GSE1: variants seen among roughly 807,000 people sequenced by gnomAD.
The protein encoded by GSE1 is Gse1 coiled-coil protein.
Under a neutral mutation model 112.6 loss-of-function variants are expected in GSE1, and 32 were observed. That is an observed-to-expected ratio of 0.28 (90% CI 0.21 to 0.38). The LOEUF is 0.38. GSE1 is among the 10% of genes least tolerant of loss of function. GSE1 has a pLI of 1.00. For synonymous variants in GSE1, 1,115 were observed against 735.6 expected (o/e 1.52, Z -8.35); for missense variants, 2,348 against 1,699.2 (o/e 1.38, Z -6.71).
chr16:85,220,934 C>T (rs1229369337), intron 1 of GSE1, among the ~76,000 whole-genome samples: 8 of 148,228 alleles, frequency 5.4e-5, no homozygotes, highest in Non-Finnish European at 6.0e-5. Context: ...CCCCCCACCC[C>T]TCCTGCCCAC....
At chr16:85,431,198 T>TGAGGGGC (rs368235592) in intron 2 of GSE1, among the ~76,000 whole-genome samples, 1 of 152,148 alleles carries the variant, frequency 6.6e-6, no homozygotes, top group East Asian at 1.9e-4. Flanking sequence ...GCAGGCAACG[T>TGAGGGGC]GAGGGGCGCG....
chr16:85,193,012 G>A (rs1201328252), intron 1 of GSE1, among the ~76,000 whole-genome samples: 1 of 152,242 alleles, frequency 6.6e-6, no homozygotes. Context: ...AGCCTGCTAG[G>A]AGGCTCTTCC....
chr16:85,303,489 CCGCTTGCTGAG>C (rs570332578), intron 1 of GSE1, among the ~76,000 whole-genome samples: 2 of 152,266 alleles, frequency 1.3e-5, no homozygotes, highest in Non-Finnish European at 2.9e-5. Flanking sequence ...CCGCTGTCCG[CCGCTTGCTGAG>C]CGCTTGCTGT....
At chr16:85,428,269 T>A (rs999884328) in intron 2 of GSE1, among the ~76,000 whole-genome samples, 10 of 152,178 alleles carry the variant, frequency 6.6e-5, no homozygotes, top group African/African-American at 2.4e-4. Context: ...CTGGGCTTCC[T>A]GCACCACCCA....
chr16:85,558,122 G>C (rs1340408025), intron 1 of GSE1, among the ~76,000 whole-genome samples: 1 of 152,130 alleles, frequency 6.6e-6, no homozygotes, highest in Non-Finnish European at 1.5e-5. Context: ...GAGCCCTTGG[G>C]AACTCAGAGC....
intron 2 of GSE1, among the ~76,000 whole-genome samples, chr16:85,384,807 C>G (rs781665179): frequency 6.6e-6 from 1 of 152,154 alleles, no homozygotes; most frequent in Non-Finnish European, 1.5e-5. Context: ...GGTCCTCCAG[C>G]GCCAGGATCC....
intron 2 of GSE1, among the ~76,000 whole-genome samples, chr16:85,535,598 A>C (rs1455868739): frequency 6.6e-6 from 1 of 152,202 alleles, no homozygotes; most frequent in Non-Finnish European, 1.5e-5. Context: ...CAGTTGGCTG[A>C]TAAGAGGAAG....
chr16:85,497,555 C>G (rs1258308870), intron 2 of GSE1, among the ~76,000 whole-genome samples: 1 of 152,164 alleles, frequency 6.6e-6, no homozygotes, highest in Non-Finnish European at 1.5e-5. Flanking sequence ...TAATGGGAAC[C>G]TATTTTTCTC....
intron 1 of GSE1, among the ~76,000 whole-genome samples, chr16:85,584,687 G>A (rs180819429): frequency 2.6e-5 from 4 of 152,106 alleles, no homozygotes; most frequent in Non-Finnish European, 5.9e-5. Flanking sequence ...TCCGTTTTAT[G>A]CCTTTTTAAT....
intron 2 of GSE1, among the ~76,000 whole-genome samples, chr16:85,388,343 GCTGGA>G (rs2151638693): frequency 1.1e-5 from 1 of 88,118 alleles, no homozygotes; most frequent in Non-Finnish European, 2.3e-5. Context: ...TGGATGTATG[GCTGGA>G]TGGATGGGTG....
intron 2 of GSE1, among the ~76,000 whole-genome samples, chr16:85,403,310 G>A (rs1348572929): frequency 1.3e-5 from 2 of 152,164 alleles, no homozygotes; most frequent in African/African-American, 2.4e-5. Context: ...TTCATTAGGG[G>A]CAAGTCACCA....
chr16:85,258,219 C>G (rs892755358), intron 1 of GSE1, among the ~76,000 whole-genome samples: 1 of 152,178 alleles, frequency 6.6e-6, no homozygotes. Context: ...TGAAGCTCCC[C>G]CAAAACTGTA....
intron 1 of GSE1, among the ~76,000 whole-genome samples, chr16:85,572,241 ACAC>A (rs1314348704): frequency 4.7e-5 from 7 of 148,498 alleles, no homozygotes; most frequent in Middle Eastern, 3.5e-3. Flanking sequence ...CGTACAAAAC[ACAC>A]CACACCACAC....
chr16:85,311,488 A>G lies in GSE1; in HGVS notation c.2284-45975A>G, dbSNP rs1275413330. ...TGGGCGGAGCCCTCGGCTGCCTCCC[A>G]CCGTGGGACATTGGGGAGGGAGGGA... is the stretch of plus-strand genomic sequence containing the variant. On this transcript the variant is annotated intron_variant, in intron 1 of 2. Transcript: ENST00000637419. This position sits in a 1 kb window ranked among gnomAD's most constrained non-coding sequence, Gnocchi z 4.2. Among the ~76,000 whole-genome samples, 3 of 140,950 alleles carry G rather than the reference A, an allele frequency of 2.1e-5. No individual in the cohort carries two copies. Among genetic ancestry groups the G allele is most frequent in the Non-Finnish European group, 4.7e-5 (3 of 64,004 alleles). 92.5% of individuals were successfully genotyped at this position (140,950 alleles called of 152,430 possible).
At chr16:85,504,454 G>C (rs765679080) in intron 2 of GSE1, among the ~76,000 whole-genome samples, 24 of 152,204 alleles carry the variant, frequency 1.6e-4, no homozygotes, top group African/African-American at 5.3e-4. Context: ...GGGCACACAC[G>C]TGTGTGTCTT....
intron 2 of GSE1, among the ~76,000 whole-genome samples, chr16:85,499,653 C>A (rs1269155329): frequency 1.3e-5 from 2 of 152,042 alleles, no homozygotes; most frequent in Non-Finnish European, 1.5e-5. Flanking sequence ...ACTTAATATC[C>A]CAGAACTGTG....
intron 1 of GSE1, among the ~76,000 whole-genome samples, chr16:85,271,598 T>C (rs8054281): frequency 0.75 from 113,517 of 152,210 alleles, 43,232 homozygotes; most frequent in African/African-American, 0.91. Context: ...GCTTTCCTGC[T>C]GCTTCGCAGC....
At chr16:85,630,046 C>G (rs1243162578) in intron 1 of GSE1, among the ~76,000 whole-genome samples, 2 of 152,174 alleles carry the variant, frequency 1.3e-5, no homozygotes. Flanking sequence ...AGAAGGCCAG[C>G]CTGGGGCTGG....
chr16:85,439,447 G>A (rs1428561963), intron 2 of GSE1, among the ~76,000 whole-genome samples: 1 of 152,348 alleles, frequency 6.6e-6, no homozygotes, highest in East Asian at 1.9e-4. Context: ...CCGAGCAGGA[G>A]GGGGAGAGAC....
Sources: allele counts gnomAD v4.1 joint callset (sites outside exome capture counted in the v4.1 genomes callset), GRCh38; gene constraint gnomAD v4.1.1; non-coding constraint Gnocchi (gnomAD v3.1); transcripts MANE v1.5; gene names NCBI Gene and HGNC (gene_info 2026-07-23, HGNC 2026-07-21).